Variants in FILIP1L observed in about 807,000 individuals in gnomAD.
The protein encoded by FILIP1L is filamin A interacting protein 1 like, also known as filamin A-interacting protein 1-like.
In FILIP1L, 55 loss-of-function variants were observed where a neutral mutation model predicts 96.6. The observed-to-expected ratio is 0.57, with a 90% CI of 0.46 to 0.71. The LOEUF is 0.71. FILIP1L is among the 30% of genes least tolerant of loss of function. The pLI is 0.00. For synonymous variants in FILIP1L, 467 were observed against 473.9 expected, an observed-to-expected ratio of 0.99 and a Z score of 0.19; for missense variants, 1,304 against 1,321.2, an observed-to-expected ratio of 0.99 and a Z score of 0.20.
intron 4 of FILIP1L, among the ~76,000 whole-genome samples, chr3:99,882,978 A>G (rs761333377): frequency 6.6e-6 from 1 of 152,226 alleles, no homozygotes; most frequent in Non-Finnish European, 1.5e-5. Context: ...CTGTGTTATC[A>G]TGTAACACCA....
chr3:99,985,503 A>T (rs1709312393), intron 1 of FILIP1L, among the ~76,000 whole-genome samples: 1 of 152,222 alleles, frequency 6.6e-6, no homozygotes, highest in African/African-American at 2.4e-5. Flanking sequence ...GTCTCAAAAA[A>T]ACAAGGTGAG....
chr3:100,026,107 G>A (rs1001047296), intron 1 of FILIP1L, among the ~76,000 whole-genome samples: 1 of 152,060 alleles, frequency 6.6e-6, no homozygotes, highest in South Asian at 2.1e-4. Context: ...TTTTTACCAC[G>A]AGGCTGGACG....
chr3:99,899,880 A>T (rs1470235595), intron 4 of FILIP1L, among the ~76,000 whole-genome samples: 1 of 152,184 alleles, frequency 6.6e-6, no homozygotes, highest in Non-Finnish European at 1.5e-5. Context: ...TATTTAAATG[A>T]GTTACAAACT....
intron 2 of FILIP1L, among the ~76,000 whole-genome samples, chr3:99,930,483 GCTACTGATGCATGCATGTGCAC>G (rs1328683972): frequency 2.6e-5 from 4 of 152,170 alleles, no homozygotes; most frequent in African/African-American, 4.8e-5. Flanking sequence ...TGGCATTATT[GCTACTGATGCATGCATGTGCAC>G]TGAAGCTCCT....
chr3:99,873,508 T>C (rs1053439940), intron 4 of FILIP1L, among the ~76,000 whole-genome samples: 3 of 152,064 alleles, frequency 2.0e-5, no homozygotes, highest in Non-Finnish European at 4.4e-5. Flanking sequence ...GGGCTGTATG[T>C]TTTTTTTCTA....
intron 1 of FILIP1L, among the ~76,000 whole-genome samples, chr3:100,096,526 A>G (rs1576054526): frequency 6.6e-6 from 1 of 152,008 alleles, no homozygotes; most frequent in Non-Finnish European, 1.5e-5. Context: ...GACAAACATC[A>G]CATGTTCTGA....
chr3:100,050,749 C>T (rs926691887), intron 1 of FILIP1L, among the ~76,000 whole-genome samples: 32 of 152,102 alleles, frequency 2.1e-4, no homozygotes, highest in South Asian at 2.1e-4. Context: ...AGGCTGGTCT[C>T]GAACTCCTGA....
intron 1 of FILIP1L, among the ~76,000 whole-genome samples, chr3:99,979,974 T>C (rs1301813854): frequency 6.6e-6 from 1 of 151,644 alleles, no homozygotes; most frequent in Non-Finnish European, 1.5e-5. Context: ...TTGAAGGAGG[T>C]GGTATGTAAG....
At chr3:99,875,308 A>C (rs1360110396) in intron 4 of FILIP1L, among the ~76,000 whole-genome samples, 2 of 152,198 alleles carry the variant, frequency 1.3e-5, no homozygotes, top group African/African-American at 4.8e-5. Flanking sequence ...TATGGTTTAA[A>C]ATGTTACTGA....
At chr3:99,911,162 TTGCTTCAGCCAAATGGAAATG>T (rs1245457371) in intron 4 of FILIP1L, among the ~76,000 whole-genome samples, 2 of 152,082 alleles carry the variant, frequency 1.3e-5, no homozygotes, top group Non-Finnish European at 2.9e-5. Context: ...ATTTTTCCAT[TTGCTTCAGCCAAATGGAAATG>T]TATTTCTTCA....
At position 99,929,996 on chromosome 3, in the gene FILIP1L, C is replaced by T. The variant is rs1707425752; in HGVS notation, c.286G>A (p.Glu96Lys). The T allele has an allele frequency of 1.2e-6, 2 of 1,613,574 alleles. No individual in the cohort carries two copies. The highest frequency in any genetic ancestry group is 1.7e-6 in the Non-Finnish European group (2 of 1,179,862). The change falls in exon 3 of 6, where the codon GAA (glutamate) becomes AAA (lysine). Residue 96 changes from glutamate (E) to lysine (K), a missense_variant. Glu to Lys is a moderately conservative substitution (Grantham distance 56). Coordinates refer to ENST00000477258, the MANE Select transcript of FILIP1L (RefSeq NM_001387850.1). Reference sequence around the variant, plus strand: ...TCCAGCAAAGCCAGGTCCATTTTTTCAGCCTTTAAAATGCCTATGACCTCA... The same window carrying T: ...TCCAGCAAAGCCAGGTCCATTTTTTTAGCCTTTAAAATGCCTATGACCTCA... ...RDEVIGILKA[E>K]KMDLALLEAQ...
intron 1 of FILIP1L, chr3:100,075,555 TTTTC>T (rs1397714425): frequency 6.6e-6 from 1 of 151,796 alleles, no homozygotes; most frequent in Non-Finnish European, 1.5e-5. Flanking sequence ...TTGTCTTCTC[TTTTC>T]TTTTTCTTTT....
chr3:100,064,920 A>G (rs949453345), intron 1 of FILIP1L, among the ~76,000 whole-genome samples: 8 of 152,160 alleles, frequency 5.3e-5, no homozygotes, highest in Non-Finnish European at 1.5e-5. Flanking sequence ...ACAAACATGT[A>G]TTGCTGTTGC....
intron 1 of FILIP1L, among the ~76,000 whole-genome samples, chr3:100,078,890 CA>C (rs199956080): frequency 6.6e-6 from 1 of 151,082 alleles, no homozygotes; most frequent in African/African-American, 2.4e-5. Flanking sequence ...GACTCCATAT[CA>C]AAAAAAACGG....
At chr3:100,072,404 A>G (rs1435316801) in intron 1 of FILIP1L, among the ~76,000 whole-genome samples, 1 of 152,220 alleles carries the variant, frequency 6.6e-6, no homozygotes, top group Admixed American at 6.5e-5. Flanking sequence ...AGCTCAAGTA[A>G]CAGAGTTGTC....
At chr3:99,954,255 G>A (rs1014071423) in intron 1 of FILIP1L, among the ~76,000 whole-genome samples, 2 of 152,194 alleles carry the variant, frequency 1.3e-5, no homozygotes, top group Non-Finnish European at 2.9e-5. Context: ...TTTGAGCCCA[G>A]GTCATCTAAT....
intron 1 of FILIP1L, among the ~76,000 whole-genome samples, chr3:99,939,559 A>G (rs1312267634): frequency 6.6e-6 from 1 of 152,236 alleles, no homozygotes; most frequent in Non-Finnish European, 1.5e-5. Flanking sequence ...ATAATTTCCC[A>G]GATATTAAAC....
chr3:99,862,435 A>G (rs961418562), intron 4 of FILIP1L, among the ~76,000 whole-genome samples: 4 of 152,182 alleles, frequency 2.6e-5, no homozygotes, highest in Non-Finnish European at 5.9e-5. Context: ...CTTTTCAGCT[A>G]TGCACATGGT....
chr3:99,876,452 G>A (rs796275771), intron 4 of FILIP1L, among the ~76,000 whole-genome samples: 4 of 152,354 alleles, frequency 2.6e-5, no homozygotes, highest in African/African-American at 9.6e-5. Context: ...AGGCAGGGTC[G>A]ATCCGCTTGT....
Sources: allele counts gnomAD v4.1 joint callset (sites outside exome capture counted in the v4.1 genomes callset), GRCh38; gene constraint gnomAD v4.1.1; transcripts MANE v1.5; gene names NCBI Gene and HGNC (gene_info 2026-07-23, HGNC 2026-07-21).